CCDC181: variants seen among roughly 807,000 people sequenced by gnomAD.
CCDC181 encodes the protein coiled-coil domain containing 181.
CCDC181 carries 35 observed loss-of-function variants against 58.7 expected under a neutral mutation model. That is an observed-to-expected ratio of 0.60 (90% confidence interval 0.46 to 0.79). The LOEUF is 0.79. Ranked by LOEUF, CCDC181 falls within the 30% of genes least tolerant of loss-of-function variation. The pLI is 0.00. For synonymous variants in CCDC181, 183 were observed against 197.5 expected (o/e 0.93, Z 0.62); for missense variants, 517 against 583.9 (o/e 0.89, Z 1.18).
At chr1:169,450,503 A>G (rs963140846) in intron 2 of CCDC181, among the ~76,000 whole-genome samples, 1 of 152,092 alleles carries the variant, frequency 6.6e-6, no homozygotes, top group Non-Finnish European at 1.5e-5. Flanking sequence ...CCTTTTTATC[A>G]CAGAATAGAA....
intron 2 of CCDC181, among the ~76,000 whole-genome samples, chr1:169,454,752 CA>C (rs3841669): frequency 0.082 from 12,481 of 151,862 alleles, 1,645 homozygotes; most frequent in East Asian, 0.67. Flanking sequence ...AAAACATTAC[CA>C]ATGTTCATGA....
At position 169,424,929 on chromosome 1, in the gene CCDC181, TTC is replaced by T; in HGVS notation, c.-4_-3del. 1 of 1,539,106 alleles carries T rather than the reference TTC, an allele frequency of 6.5e-7. No individual in the cohort carries two copies. Among genetic ancestry groups the T allele is most frequent in the Non-Finnish European group, 9.0e-7 (1 of 1,114,932 alleles). ...ATCAGTATCTTTATTTTCATTCATT[TTC>T]TGTTTGTGAAGGAAATATGCTGTAA... On this transcript the variant is annotated 5_prime_UTR_variant, in exon 2 of 6. Transcript: ENST00000367806.
rs769606991 is a variant in CCDC181, at chr1:169,421,698, CATT to C, written c.730_732del (p.Asn244del). The C allele has an allele frequency of 5.6e-6, 9 of 1,614,026 alleles. No individual in the cohort carries two copies. The South Asian group carries it at 8.8e-5, about 16-fold the overall frequency. On this transcript the variant is annotated inframe_deletion, in exon 3 of 6. Coordinates refer to ENST00000367806, the MANE Select transcript of CCDC181 (RefSeq NM_001300969.2). Reference sequence around the variant, plus strand: ...TGAGGGTCATTTTCTGTACTATTTGCATTATTAATGGGAGGCAAAAACCCCTGA... The same window carrying C: ...TGAGGGTCATTTTCTGTACTATTTGCATTAATGGGAGGCAAAAACCCCTGA...
intron 2 of CCDC181, among the ~76,000 whole-genome samples, chr1:169,432,563 A>C (rs1019244368): frequency 3.3e-5 from 5 of 152,190 alleles, no homozygotes; most frequent in African/African-American, 1.2e-4. Flanking sequence ...GTCAAAAGAC[A>C]GGAAAGAAGC....
At chr1:169,451,973 G>A (rs916250640) in intron 2 of CCDC181, among the ~76,000 whole-genome samples, 4 of 152,052 alleles carry the variant, frequency 2.6e-5, no homozygotes, top group African/African-American at 7.2e-5. Context: ...TATGGAACTA[G>A]GTAGTTGAAT....
upstream of CCDC181, among the ~76,000 whole-genome samples, chr1:169,428,437 A>G (rs1455219297): frequency 6.6e-6 from 1 of 152,018 alleles, no homozygotes; most frequent in Non-Finnish European, 1.5e-5. Flanking sequence ...CAGAACTCCT[A>G]GGTTAATAGT....
chr1:169,394,907 T>C lies in CCDC181; in HGVS notation c.*140A>G. On this transcript the variant is annotated 3_prime_UTR_variant, in exon 6 of 6. Transcript: ENST00000367806. ...GAGAAAAAAATTTATTTTGTTCTAG[T>C]ATTAAAAAAACAAATTCACTGTCAA... 1.4e-6 allele frequency: 1 copy of C among 724,728 alleles called. No individual in the cohort carries two copies. The highest frequency in any genetic ancestry group is 2.1e-6 in the Non-Finnish European group (1 of 480,990). The allele number at this position is 724,728 out of a possible 1,614,324, so 44.9% of individuals were successfully genotyped here.
intron 4 of CCDC181, among the ~76,000 whole-genome samples, chr1:169,405,615 T>C (rs1038434521): frequency 1.5e-4 from 23 of 152,190 alleles, no homozygotes; most frequent in African/African-American, 5.5e-4. Context: ...TGTAGAAAGC[T>C]GAAACTGGAT....
At chr1:169,436,704 A>AC (rs1037203434) in intron 2 of CCDC181, among the ~76,000 whole-genome samples, 1 of 152,192 alleles carries the variant, frequency 6.6e-6, no homozygotes, top group African/African-American at 2.4e-5. Context: ...GCTTCTAAAA[A>AC]AGGTTGATTT....
chr1:169,404,549 A>T (rs965479715), intron 4 of CCDC181, among the ~76,000 whole-genome samples: 15 of 152,360 alleles, frequency 9.8e-5, no homozygotes, highest in African/African-American at 3.6e-4. Flanking sequence ...AACAGAACCA[A>T]AGACAAAAAC....
chr1:169,417,449 CA>C (rs1194614816), intron 4 of CCDC181, among the ~76,000 whole-genome samples: 2 of 152,106 alleles, frequency 1.3e-5, no homozygotes, highest in African/African-American at 4.8e-5. Context: ...CTACACAAGG[CA>C]AAGTATTTGG....
At chr1:169,451,471 C>T (rs955591726) in intron 2 of CCDC181, among the ~76,000 whole-genome samples, 10 of 152,048 alleles carry the variant, frequency 6.6e-5, no homozygotes, top group African/African-American at 2.4e-4. Context: ...TGTAAAATCA[C>T]AACTACTTTT....
At chr1:169,402,957 A>C (rs1655435997) in intron 4 of CCDC181, among the ~76,000 whole-genome samples, 1 of 151,810 alleles carries the variant, frequency 6.6e-6, no homozygotes, top group South Asian at 2.1e-4. Context: ...AAGGAGGAAG[A>C]TCTACCAAGC....
intron 4 of CCDC181, 114 bp from the exon 5 acceptor site, chr1:169,397,505 T>C (rs1655116615): frequency 2.2e-6 from 2 of 909,514 alleles, no homozygotes; most frequent in Admixed American, 6.9e-5. Context: ...TTCATAATAA[T>C]GCCAGCCTCA....
intron 4 of CCDC181, among the ~76,000 whole-genome samples, chr1:169,400,408 C>G (rs1655270302): frequency 6.6e-6 from 1 of 152,030 alleles, no homozygotes; most frequent in Non-Finnish European, 1.5e-5. Flanking sequence ...TTCCTTACAA[C>G]TTTTATATTG....
chr1:169,396,116 A>G (rs988133018), intron 5 of CCDC181: 1 of 152,190 alleles, frequency 6.6e-6, no homozygotes, highest in Non-Finnish European at 1.5e-5. Flanking sequence ...GAAATTGTAA[A>G]TACATGTACA....
intron 4 of CCDC181, among the ~76,000 whole-genome samples, chr1:169,416,384 T>C (rs992304383): frequency 1.3e-5 from 2 of 152,154 alleles, no homozygotes; most frequent in Non-Finnish European, 2.9e-5. Flanking sequence ...TTATGTTTTT[T>C]TCCGATAGGA....
upstream of CCDC181, among the ~76,000 whole-genome samples, chr1:169,428,168 A>C (rs1656794200): frequency 6.6e-6 from 1 of 152,248 alleles, no homozygotes; most frequent in Non-Finnish European, 1.5e-5. Context: ...ATGTAAAATT[A>C]AATTTTTAGA....
Position 169,424,793 on chromosome 1 carries a change from G to A in CCDC181, c.117+18C>T. 1 of 1,221,688 alleles carries A rather than the reference G, an allele frequency of 8.2e-7. No individual in the cohort carries two copies. The highest frequency in any genetic ancestry group is 1.2e-6 in the Non-Finnish European group (1 of 846,034). 75.7% of individuals were successfully genotyped at this position (1,221,688 alleles called of 1,614,324 possible). A position where few individuals can be genotyped will look rare whatever the true frequency, so the allele number is the denominator to read the frequency against. ...ACTTTGTAATATAATTATTATGAAT[G>A]CTGTTGGCAATATATACCTCTATTA... On this transcript the variant is annotated intron_variant, in intron 2 of 5. Coordinates refer to ENST00000367806, the MANE Select transcript of CCDC181 (RefSeq NM_001300969.2).
Sources: gnomAD v4.1 joint callset for allele counts (sites outside exome capture counted in the v4.1 genomes callset) on GRCh38, gnomAD v4.1.1 for gene constraint, MANE v1.5 for transcripts, NCBI Gene and HGNC (gene_info 2026-07-23, HGNC 2026-07-21) for gene names.